GATA5: variants seen among roughly 807,000 people sequenced by gnomAD.
GATA5 encodes transcription factor GATA-5.
GATA5 carries 27 observed loss-of-function variants against 35.0 expected under a neutral mutation model. The ratio of observed to expected loss-of-function variants is 0.77; its 90% CI spans 0.57 to 1.06. GATA5 has a LOEUF of 1.06. GATA5 is among the 50% of genes least tolerant of loss of function. GATA5 has a pLI of 0.00. For missense variants in GATA5, 612 were observed against 580.0 expected (o/e 1.06, Z -0.57); for synonymous variants, 306 against 267.8 (o/e 1.14, Z -1.39).
intron 1 of GATA5, 92 bp from the exon 2 acceptor site, chr20:62,475,634 G>T: frequency 1.1e-6 from 1 of 874,528 alleles, no homozygotes; most frequent in Non-Finnish European, 1.5e-6. Flanking sequence ...CGCCGCTTCG[G>T]GCAGCGCTTC....
chr20:62,465,613 G>A (rs782756484), intron 5 of GATA5, 149 bp from the exon 6 acceptor site: 63 of 1,160,354 alleles, frequency 5.4e-5, no homozygotes, highest in Middle Eastern at 2.1e-4. Flanking sequence ...GTGGCCGGGC[G>A]TGGCTTCTTT....
At chr20:62,466,089 G>A (rs1361912667) in intron 4 of GATA5, among the ~76,000 whole-genome samples, 168 bp from the exon 5 acceptor site, 2 of 152,184 alleles carry the variant, frequency 1.3e-5, no homozygotes, top group African/African-American at 2.4e-5. Flanking sequence ...GGGGGAGCCC[G>A]TGGAGCTGGA....
rs201914738 is a variant in GATA5, at chr20:62,464,786, G to T, written c.*50C>A. 6 of 1,486,558 alleles carry T rather than the reference G, an allele frequency of 4.0e-6. No homozygotes were observed. In the East Asian group the frequency reaches 1.5e-4, roughly 36 times the overall value. The allele number at this position is 1,486,558 out of a possible 1,614,324, so 92.1% of individuals were successfully genotyped here. On this transcript the variant is annotated 3_prime_UTR_variant, in exon 7 of 7. Coordinates refer to ENST00000252997, the MANE Select transcript of GATA5 (RefSeq NM_080473.5). ...GCAAAGCAGGCACGGAGGTGACTCA[G>T]TGGGTGGTCTGTTCCAGGCTGTTCC...
At chr20:62,469,664 A>G (rs2089157465) in intron 3 of GATA5, among the ~76,000 whole-genome samples, 1 of 152,240 alleles carries the variant, frequency 6.6e-6, no homozygotes, top group Non-Finnish European at 1.5e-5. Context: ...AACACCTGGA[A>G]CCCACCTTGA....
At position 62,466,656 on chromosome 20, in the gene GATA5, G is replaced by C. The variant is rs1027239562; in HGVS notation, c.700-105C>G. On this transcript the variant is annotated intron_variant, in intron 3 of 6. Coordinates refer to ENST00000252997, the MANE Select transcript of GATA5 (RefSeq NM_080473.5). ...CGGCCTTGCGGCCACGCAGGACCCG[G>C]TGAGAAGGTCGTGAGCTCTGCAATG... 1.3e-5 allele frequency: 18 copies of C among 1,339,044 alleles called. No homozygotes were observed. The East Asian group carries it at 2.3e-4, about 17-fold the overall frequency. 82.9% of individuals were successfully genotyped at this position (1,339,044 alleles called of 1,614,324 possible).
In GATA5 at chr20:62,466,421, C is replaced by A; in HGVS notation, c.825+5G>T. The A allele has an allele frequency of 6.3e-7, 1 of 1,581,194 alleles. No individual in the cohort carries two copies. The highest frequency in any genetic ancestry group is 1.2e-5 in the South Asian group (1 of 86,484). On this transcript the variant is annotated splice_donor_5th_base_variant and intron_variant, in intron 4 of 6. Coordinates refer to ENST00000252997, the MANE Select transcript of GATA5 (RefSeq NM_080473.5). Reference sequence around the variant, plus strand: ...TCCCCGCCCTGCCCCGGGGACCACACTCACCCCGTGCAGCTTCATGTAGAG... The same window carrying A: ...TCCCCGCCCTGCCCCGGGGACCACAATCACCCCGTGCAGCTTCATGTAGAG...
At position 62,475,367 on chromosome 20, in the gene GATA5, C is replaced by T. The variant is rs781995328; in HGVS notation, c.155G>A (p.Ser52Asn). 1.6e-5 allele frequency: 20 copies of T among 1,270,132 alleles called. No homozygotes were observed. Among genetic ancestry groups the T allele is most frequent in the Non-Finnish European group, 1.9e-5 (19 of 1,007,332 alleles). 78.7% of individuals were successfully genotyped at this position (1,270,132 alleles called of 1,614,324 possible). ...MLSYLSGCEP[S>N]PQPPELAARP... ...CGCAGCGAGCTCGGGGGGCTGCGGG[C>T]TCGGCTCACACCCGGACAGGTAGGA... The change falls in exon 2 of 7, where the codon AGC becomes AAC. Residue 52 changes from serine (S) to asparagine (N), a missense_variant. Physicochemically the swap from Ser to Asn is conservative, Grantham distance 46. Transcript: ENST00000252997.
Position 62,475,313 on chromosome 20 carries a change from G to A in GATA5, c.209C>T (p.Ala70Val). The A allele has an allele frequency of 2.4e-6, 3 of 1,250,132 alleles. No homozygotes were observed. Among genetic ancestry groups the A allele is most frequent in the Non-Finnish European group, 2.0e-6 (2 of 997,122 alleles). The allele number at this position is 1,250,132 out of a possible 1,614,324, so 77.4% of individuals were successfully genotyped here. The change falls in exon 2 of 7, where the codon GCG (alanine) becomes GTG (valine). Residue 70 changes from alanine (A) to valine (V), a missense_variant. Coordinates refer to ENST00000252997, the MANE Select transcript of GATA5 (RefSeq NM_080473.5). ...GCCCGGGCCGAAGGCCGACGAATCCGCGGTGGCTGTCTGCGCCCAGCCGGG... is the reference window on the plus strand; with the variant it reads ...GCCCGGGCCGAAGGCCGACGAATCCACGGTGGCTGTCTGCGCCCAGCCGGG... ...ARPGWAQTAT[A>V]DSSAFGPGSP...
At chr20:62,468,265 T>G (rs1555896273) in intron 3 of GATA5, among the ~76,000 whole-genome samples, 1 of 152,166 alleles carries the variant, frequency 6.6e-6, no homozygotes, top group African/African-American at 2.4e-5. Flanking sequence ...GTTACTGCCA[T>G]GGGCAGAAAC....
chr20:62,473,791 A>G (rs868985267), intron 2 of GATA5, among the ~76,000 whole-genome samples: 1 of 152,230 alleles, frequency 6.6e-6, no homozygotes, highest in Non-Finnish European at 1.5e-5. Context: ...ATACGATAAA[A>G]TTCGCTAGGG....
intron 4 of GATA5, among the ~76,000 whole-genome samples, 192 bp from the exon 5 acceptor site, chr20:62,466,113 G>A (rs1040160280): frequency 5.9e-5 from 9 of 152,188 alleles, no homozygotes; most frequent in South Asian, 2.1e-4. Context: ...CCATTCCCCC[G>A]TCCGACAGAG....
chr20:62,465,448 G>C lies in GATA5; in HGVS notation c.930C>G (p.Ala310=). ...TGGCGACAGCAGATGGGGAGGCCGA[G>C]GCATTCCTTGTGGATCCTGGAAGCG... The part of the protein sequence containing the change: ...ARGSSGSTRN[A]SASPSAVAST... The change falls in exon 6 of 7, where the codon GCC becomes GCG. Residue 310 remains alanine (A), a synonymous_variant. Coordinates refer to ENST00000252997, the MANE Select transcript of GATA5 (RefSeq NM_080473.5). 1.2e-6 allele frequency: 2 copies of C among 1,608,626 alleles called. No individual in the cohort carries two copies. The highest frequency in any genetic ancestry group is 1.7e-6 in the Non-Finnish European group (2 of 1,179,612).
chr20:62,472,855 G>A (rs1989755640), intron 3 of GATA5, among the ~76,000 whole-genome samples: 1 of 151,816 alleles, frequency 6.6e-6, no homozygotes, highest in African/African-American at 2.4e-5. Flanking sequence ...TAAACCTGGT[G>A]TCCCTGCGGT....
rs1406937048 is a variant in GATA5 at position 62,473,336 on chromosome 20, T to A, written c.699+67A>T. ...CCCAGGGGCTCTGGTGTCACCTGGG[T>A]GGATTGCAAGAGGTCCCCTCGGGGG... On this transcript the variant is annotated intron_variant, in intron 3 of 6. Transcript: ENST00000252997. 5.3e-6 allele frequency: 8 copies of A among 1,521,468 alleles called. No individual in the cohort carries two copies. The Admixed American group carries it at 1.6e-4, about 30-fold the overall frequency. 94.2% of individuals were successfully genotyped at this position (1,521,468 alleles called of 1,614,324 possible).
rs1989838312 is a variant in GATA5, at chr20:62,475,495, C to G, written c.27G>C (p.Ala9=). 1 of 1,319,814 alleles carries G rather than the reference C, an allele frequency of 7.6e-7. No individual in the cohort carries two copies. Among genetic ancestry groups the G allele is most frequent in the Non-Finnish European group, 9.6e-7 (1 of 1,037,104 alleles). The allele number at this position is 1,319,814 out of a possible 1,614,324, so 81.8% of individuals were successfully genotyped here. Residue 9 remains alanine, a synonymous_variant, in exon 2 of 7, where the codon GCG becomes GCC. Coordinates refer to ENST00000252997, the MANE Select transcript of GATA5 (RefSeq NM_080473.5). MYQSLALA[A]SPRQAAYADS... Reference sequence around the variant, plus strand: ...CGGCGTAGGCGGCCTGGCGGGGGCTCGCGGCCAGCGCCAGGCTCTGGTACA... The same window carrying G: ...CGGCGTAGGCGGCCTGGCGGGGGCTGGCGGCCAGCGCCAGGCTCTGGTACA...
intron 2 of GATA5, among the ~76,000 whole-genome samples, chr20:62,473,853 TG>T (rs1989784283): frequency 6.6e-6 from 1 of 152,220 alleles, no homozygotes; most frequent in South Asian, 2.1e-4. Flanking sequence ...GACAGACACC[TG>T]GGACTCCCGG....
chr20:62,465,162 C>A (rs1290770743), intron 6 of GATA5, among the ~76,000 whole-genome samples, 171 bp from the exon 7 acceptor site: 1 of 152,212 alleles, frequency 6.6e-6, no homozygotes, highest in African/African-American at 2.4e-5. Flanking sequence ...GGGGTTTCTC[C>A]CACATCTGGC....
chr20:62,472,173 C>T (rs1219680970), intron 3 of GATA5, among the ~76,000 whole-genome samples: 1 of 152,084 alleles, frequency 6.6e-6, no homozygotes, highest in African/African-American at 2.4e-5. Flanking sequence ...GGATGGACTC[C>T]TAGGAGCCTT....
intron 2 of GATA5, 44 bp from the exon 3 acceptor site, chr20:62,473,622 A>G (rs1043747827): frequency 3.9e-6 from 6 of 1,538,654 alleles, no homozygotes; most frequent in Non-Finnish European, 5.3e-6. Flanking sequence ...TCCCCTCCCC[A>G]GGATCCTCCC....
Sources: gnomAD v4.1 joint callset for allele counts (sites outside exome capture counted in the v4.1 genomes callset) on GRCh38, gnomAD v4.1.1 for gene constraint, MANE v1.5 for transcripts, NCBI Gene and HGNC (gene_info 2026-07-23, HGNC 2026-07-21) for gene names.